The following SOX5 variants were observed in gnomAD, a reference collection of about 807,000 sequenced individuals.
SOX5 encodes transcription factor SOX-5.
Under a neutral mutation model 92.0 loss-of-function variants are expected in SOX5, and 9 were observed. The observed-to-expected ratio is 0.10, with a 90% CI of 0.06 to 0.17. The LOEUF is 0.17. Among genes scored for constraint, SOX5 ranks in the 10% least tolerant of loss-of-function variants. The pLI is 1.00. For synonymous variants in SOX5, 344 were observed against 336.3 expected (o/e 1.02, Z -0.25); for missense variants, 642 against 944.5 (o/e 0.68, Z 4.20).
At chr12:24,033,703 G>C (rs1474739927) in intron 4 of SOX5, among the ~76,000 whole-genome samples, 1 of 151,944 alleles carries the variant, frequency 6.6e-6, no homozygotes, top group African/African-American at 2.4e-5. Flanking sequence ...AGCACAATGA[G>C]TATGAATGAA....
At chr12:24,066,310 G>C (rs1940734985) in intron 4 of SOX5, among the ~76,000 whole-genome samples, 1 of 152,154 alleles carries the variant, frequency 6.6e-6, no homozygotes, top group African/African-American at 2.4e-5. Flanking sequence ...GTACTTGTAA[G>C]ATGTAATAAA....
intron 3 of SOX5, among the ~76,000 whole-genome samples, chr12:23,809,347 C>T (rs2095835836): frequency 1.3e-5 from 2 of 151,936 alleles, no homozygotes. Flanking sequence ...ATATAATATT[C>T]TCTCAAGAAA....
chr12:24,449,950 A>G (rs1211597549), intron 1 of SOX5, among the ~76,000 whole-genome samples: 4 of 152,184 alleles, frequency 2.6e-5, no homozygotes, highest in African/African-American at 7.2e-5. Context: ...ATTATCATCC[A>G]TGAAAATTAC....
At position 23,753,003 on chromosome 12, in the gene SOX5, G is replaced by C. The variant is rs191543263; in HGVS notation, c.568+2635C>G. Among the ~76,000 whole-genome samples the C allele has an allele frequency of 2.6e-4, 40 of 151,846 alleles. No individual in the cohort carries two copies. The South Asian group carries it at 2.7e-3, about 10-fold the overall frequency. ...TCTAACAGGTAAAATAATCCAACAT[G>C]AAAAATAACTTTATGCTCTTAGAAG... On this transcript the variant is annotated intron_variant, in intron 4 of 14. Coordinates refer to ENST00000451604, the MANE Select transcript of SOX5 (RefSeq NM_006940.6).
At chr12:23,581,170 T>A (rs1949991939) in intron 9 of SOX5, among the ~76,000 whole-genome samples, 1 of 151,976 alleles carries the variant, frequency 6.6e-6, no homozygotes, top group South Asian at 2.1e-4. Context: ...CTCTCCCCAC[T>A]CCTTAGCTTT....
chr12:23,715,914 T>G (rs1011699398), intron 6 of SOX5, among the ~76,000 whole-genome samples: 1 of 151,604 alleles, frequency 6.6e-6, no homozygotes, highest in Non-Finnish European at 1.5e-5. Context: ...AACATGACTA[T>G]CATTAGTAAT....
intron 3 of SOX5, among the ~76,000 whole-genome samples, chr12:23,763,177 C>T (rs565404732): frequency 6.6e-6 from 1 of 152,298 alleles, no homozygotes; most frequent in East Asian, 1.9e-4. Flanking sequence ...CCTCTCTATG[C>T]TTCCATTCAC....
intron 2 of SOX5, among the ~76,000 whole-genome samples, chr12:24,310,858 CTT>C (rs367996399): frequency 2.1e-5 from 3 of 145,156 alleles, no homozygotes; most frequent in Admixed American, 6.9e-5. Flanking sequence ...TTTTTTGTTT[CTT>C]TTTTTTTTTA....
chr12:24,363,023 T>C (rs966909465), intron 2 of SOX5, among the ~76,000 whole-genome samples: 20 of 152,062 alleles, frequency 1.3e-4, no homozygotes, highest in Non-Finnish European at 2.2e-4. Context: ...ATATTATTCC[T>C]ATTACACACT....
intron 1 of SOX5, among the ~76,000 whole-genome samples, chr12:24,505,854 C>CGTGTGT (rs952252318): frequency 1.1e-5 from 1 of 91,186 alleles, no homozygotes; most frequent in African/African-American, 4.1e-5. Flanking sequence ...TGTGTGTGTG[C>CGTGTGT]GTGTGTGTGT....
At chr12:24,039,222 G>A (rs1457657164) in intron 4 of SOX5, among the ~76,000 whole-genome samples, 3 of 152,038 alleles carry the variant, frequency 2.0e-5, no homozygotes, top group African/African-American at 4.8e-5. Context: ...GTAGCCACCC[G>A]AAAAAACACA....
At chr12:24,561,242 G>T (rs924044298) in intron 1 of SOX5, among the ~76,000 whole-genome samples, 2 of 152,140 alleles carry the variant, frequency 1.3e-5, no homozygotes, top group African/African-American at 4.8e-5. Context: ...ATATTCACAG[G>T]ATTCCTCGTC....
At chr12:23,751,654 T>C (rs2094184612) in intron 4 of SOX5, among the ~76,000 whole-genome samples, 1 of 151,918 alleles carries the variant, frequency 6.6e-6, no homozygotes, top group Non-Finnish European at 1.5e-5. Flanking sequence ...ATTGCCCATG[T>C]CTTTAATTCA....
At chr12:24,392,194 G>A (rs1265843921) in intron 1 of SOX5, among the ~76,000 whole-genome samples, 1 of 152,122 alleles carries the variant, frequency 6.6e-6, no homozygotes, top group East Asian at 1.9e-4. Context: ...CTGCGCTATT[G>A]CAATGGTCTT....
intron 2 of SOX5, among the ~76,000 whole-genome samples, chr12:23,862,519 G>A (rs1595145143): frequency 1.3e-5 from 2 of 152,118 alleles, no homozygotes; most frequent in African/African-American, 2.4e-5. Context: ...AAAAAACAGT[G>A]TATCTTAAAA....
chr12:24,165,768 G>C (rs1953328713), intron 4 of SOX5, among the ~76,000 whole-genome samples: 1 of 152,058 alleles, frequency 6.6e-6, no homozygotes, highest in Admixed American at 6.6e-5. Flanking sequence ...AGAAGAGAAA[G>C]AAAGGGCTGT....
intron 4 of SOX5, among the ~76,000 whole-genome samples, chr12:23,744,952 G>A (rs2093930527): frequency 6.6e-6 from 1 of 152,056 alleles, no homozygotes; most frequent in African/African-American, 2.4e-5. Context: ...CATCGTCTCG[G>A]TCTGTACATA....
chr12:23,729,684 A>C (rs989279), intron 6 of SOX5, among the ~76,000 whole-genome samples: 115,169 of 152,090 alleles, frequency 0.76, 43,650 homozygotes, highest in East Asian at 0.8. Flanking sequence ...AAATGGGGTA[A>C]ATTTTTGGAA....
chr12:23,712,617 T>A (rs1312134889), intron 6 of SOX5, among the ~76,000 whole-genome samples: 1 of 152,186 alleles, frequency 6.6e-6, no homozygotes, highest in Non-Finnish European at 1.5e-5. Flanking sequence ...AACATCTAAG[T>A]GTATGCAACT....
Sources: allele counts gnomAD v4.1 joint callset (sites outside exome capture counted in the v4.1 genomes callset), GRCh38; gene constraint gnomAD v4.1.1; transcripts MANE v1.5; gene names NCBI Gene and HGNC (gene_info 2026-07-23, HGNC 2026-07-21).